PRDM2: variants seen among roughly 807,000 people sequenced by gnomAD.
PRDM2 encodes PR domain zinc finger protein 2.
Under a neutral mutation model 130.0 loss-of-function variants are expected in PRDM2, and 30 were observed. The ratio of observed to expected loss-of-function variants is 0.23; its 90% CI spans 0.17 to 0.31. The LOEUF is 0.31. Among genes scored for constraint, PRDM2 ranks in the 10% least tolerant of loss-of-function variants. The pLI, the probability that PRDM2 is intolerant of heterozygous loss-of-function variation, is 1.00. For synonymous variants in PRDM2, 871 were observed against 782.4 expected, an observed-to-expected ratio of 1.11 and a Z score of -1.89; for missense variants, 2,011 against 2,108.4, an observed-to-expected ratio of 0.95 and a Z score of 0.90.
At chr1:13,774,395 G>A (rs751082780) in intron 7 of PRDM2, among the ~76,000 whole-genome samples, 16 of 152,204 alleles carry the variant, frequency 1.1e-4, no homozygotes, top group Non-Finnish European at 1.9e-4. Context: ...GAATATTTTG[G>A]ATGCCTTTCA....
At position 13,823,494 on chromosome 1, in the gene PRDM2, C is replaced by T. The variant is rs1645386189; in HGVS notation, c.*359C>T. The stretch of plus-strand genomic sequence containing the variant: ...ATGCAATTTTTCAAGAGCTCCTTGA[C>T]CCTGCTTTTTGCTTCTTGAGTTGTC... On this transcript the variant is annotated 3_prime_UTR_variant, in exon 10 of 10. Transcript: ENST00000311066. 1 of 388,616 alleles carries T rather than the reference C, an allele frequency of 2.6e-6. No homozygotes were observed. The highest frequency in any genetic ancestry group is 4.7e-6 in the Non-Finnish European group (1 of 214,880). The allele number at this position is 388,616 out of a possible 1,614,324, so 24.1% of individuals were successfully genotyped here.
intron 4 of PRDM2, among the ~76,000 whole-genome samples, chr1:13,740,391 C>T (rs1293581808): frequency 3.3e-5 from 5 of 152,146 alleles, no homozygotes; most frequent in Non-Finnish European, 7.3e-5. Context: ...AACTTATTAT[C>T]CCTGAGCCCA....
At position 13,769,309 on chromosome 1, in the gene PRDM2, A is replaced by C. The variant is rs536749650; in HGVS notation, c.512-3769A>C. 9.5e-4 allele frequency: 306 copies of C among 320,544 alleles called. 6 individuals are homozygous for C. Among genetic ancestry groups the C allele is most frequent in the Non-Finnish European group, 3.2e-4 (72 of 221,618 alleles). 19.9% of individuals were successfully genotyped at this position (320,544 alleles called of 1,614,324 possible). On this transcript the variant is annotated intron_variant, in intron 6 of 9. Coordinates refer to ENST00000311066, the MANE Select transcript of PRDM2 (RefSeq NM_001393986.1). ...GTTTTTTCTTTTAATTTGATGACAT[A>C]TAGGACAGAAATCAGGTGTCAGAAG... is the stretch of plus-strand genomic sequence containing the variant.
At chr1:13,769,208 C>G (rs368166331) in intron 6 of PRDM2, 1 of 947,030 alleles carries the variant, frequency 1.1e-6, no homozygotes, top group Non-Finnish European at 1.3e-6. Flanking sequence ...GGCCTCCCAG[C>G]GGCTCCTGCT....
At chr1:13,716,557 A>G (rs1274324316) in intron 2 of PRDM2, among the ~76,000 whole-genome samples, 1 of 149,898 alleles carries the variant, frequency 6.7e-6, no homozygotes, top group Non-Finnish European at 1.5e-5. Flanking sequence ...TTCTCAGAAT[A>G]AAAACAAGAG....
Position 13,773,200 on chromosome 1 carries a change from A to T in PRDM2, c.622+12A>T, listed in dbSNP as rs373583862. 1.3e-6 allele frequency: 2 copies of T among 1,495,234 alleles called. No individual in the cohort carries two copies. The highest frequency in any genetic ancestry group is 1.8e-6 in the Non-Finnish European group (2 of 1,111,156). The allele number at this position is 1,495,234 out of a possible 1,614,324, so 92.6% of individuals were successfully genotyped here. On this transcript the variant is annotated intron_variant, in intron 7 of 9. Coordinates refer to ENST00000311066, the MANE Select transcript of PRDM2 (RefSeq NM_001393986.1). ...AGATTCTGCAGAAGGTAAGCTTGTG[A>T]TATTGGCTTGGTCTGAATTGGGTGT... is the stretch of plus-strand genomic sequence containing the variant.
chr1:13,796,046 A>T (rs1475965847), intron 8 of PRDM2, among the ~76,000 whole-genome samples: 1 of 152,172 alleles, frequency 6.6e-6, no homozygotes, highest in Non-Finnish European at 1.5e-5. Context: ...CTGTGATGTC[A>T]TTGTGTCTGC....
chr1:13,821,515 T>C (rs922830776), intron 9 of PRDM2, among the ~76,000 whole-genome samples: 2 of 151,864 alleles, frequency 1.3e-5, no homozygotes, highest in African/African-American at 4.8e-5. Context: ...CAGGCTGGAG[T>C]GCAGTGGCGC....
chr1:13,743,152 C>A (rs919076285), intron 5 of PRDM2, among the ~76,000 whole-genome samples: 1 of 152,028 alleles, frequency 6.6e-6, no homozygotes, highest in Non-Finnish European at 1.5e-5. Context: ...GTAATCCCAG[C>A]GCTTTGGGAG....
intron 1 of PRDM2, among the ~76,000 whole-genome samples, 167 bp downstream of exon 1, chr1:13,700,467 G>T (rs1173268194): frequency 6.7e-6 from 1 of 150,280 alleles, no homozygotes; most frequent in Non-Finnish European, 1.5e-5. Flanking sequence ...CGTGCCGGGG[G>T]CCCCGGGACG....
At chr1:13,733,029 T>G in intron 4 of PRDM2, 147 bp downstream of exon 4, 1 of 639,712 alleles carries the variant, frequency 1.6e-6, no homozygotes, top group South Asian at 2.1e-5. Flanking sequence ...AAAATGTGTT[T>G]CCCTGGATAC....
At chr1:13,757,602 C>A (rs942467027) in intron 6 of PRDM2, among the ~76,000 whole-genome samples, 3 of 152,142 alleles carry the variant, frequency 2.0e-5, no homozygotes, top group African/African-American at 7.2e-5. Flanking sequence ...AGACAATGAA[C>A]ATGCTTTTTA....
rs76420291 is a variant in PRDM2, at chr1:13,735,725, A to G, written c.231+2843A>G. ...CATGAACCTGCACTGACATATCATT[A>G]TTACCCAAAGTCCATAGTTTACATT... is the stretch of plus-strand genomic sequence containing the variant. On this transcript the variant is annotated intron_variant, in intron 4 of 9. Coordinates refer to ENST00000311066, the MANE Select transcript of PRDM2 (RefSeq NM_001393986.1). Among the ~76,000 whole-genome samples the G allele has an allele frequency of 3.6e-4, 55 of 152,288 alleles. 1 individual carries two copies. Among genetic ancestry groups the G allele is most frequent in the African/African-American group, 1.1e-3 (45 of 41,568 alleles).
chr1:13,744,918 C>A (rs1238860725), intron 5 of PRDM2, among the ~76,000 whole-genome samples: 1 of 152,170 alleles, frequency 6.6e-6, no homozygotes, highest in Non-Finnish European at 1.5e-5. Flanking sequence ...TCTGTGGGCT[C>A]TGTATCTTCT....
intron 5 of PRDM2, among the ~76,000 whole-genome samples, chr1:13,743,422 A>T (rs947656831): frequency 5.9e-5 from 9 of 151,454 alleles, no homozygotes; most frequent in African/African-American, 2.2e-4. Flanking sequence ...AAAAAAAAAA[A>T]AAAAGACAGA....
chr1:13,734,406 T>C (rs1459126761), intron 4 of PRDM2, among the ~76,000 whole-genome samples: 2 of 152,262 alleles, frequency 1.3e-5, no homozygotes, highest in Non-Finnish European at 2.9e-5. Context: ...CTGCTTTCTC[T>C]AGTGCTGTGT....
chr1:13,740,957 C>A (rs1251640834), intron 4 of PRDM2, among the ~76,000 whole-genome samples: 2 of 152,100 alleles, frequency 1.3e-5, no homozygotes, highest in African/African-American at 2.4e-5. Flanking sequence ...GGGAAGAAGG[C>A]ATGAGTGGTG....
intron 8 of PRDM2, among the ~76,000 whole-genome samples, chr1:13,802,520 T>G (rs1364746606): frequency 6.6e-6 from 1 of 152,238 alleles, no homozygotes; most frequent in Non-Finnish European, 1.5e-5. Flanking sequence ...ATGAGGCTTC[T>G]GAGACTCTCA....
At chr1:13,768,449 G>T (rs918261467) in intron 6 of PRDM2, among the ~76,000 whole-genome samples, 2 of 150,114 alleles carry the variant, frequency 1.3e-5, no homozygotes, top group African/African-American at 4.9e-5. Context: ...GCACGATCTC[G>T]GCTCACTGCA....
Sources: allele counts gnomAD v4.1 joint callset (sites outside exome capture counted in the v4.1 genomes callset), GRCh38; gene constraint gnomAD v4.1.1; transcripts MANE v1.5; gene names NCBI Gene and HGNC (gene_info 2026-07-23, HGNC 2026-07-21).